The following CRACDL variants were observed in gnomAD, a reference collection of about 807,000 sequenced individuals.
The protein encoded by CRACDL is CRACD like, also known as CRACD-like protein.
CRACDL carries 26 observed loss-of-function variants against 70.6 expected under a neutral mutation model. That is an observed-to-expected ratio of 0.37 (90% confidence interval 0.27 to 0.51). CRACDL has a LOEUF of 0.51. Ranked by LOEUF, CRACDL falls within the 20% of genes least tolerant of loss-of-function variation. CRACDL has a pLI of 0.94. For missense variants in CRACDL, 1,283 were observed against 1,376.9 expected, an observed-to-expected ratio of 0.93 and a Z score of 1.08; for synonymous variants, 618 against 615.2, an observed-to-expected ratio of 1.00 and a Z score of -0.07.
At position 98,854,638 on chromosome 2, in the gene CRACDL, T is replaced by C. The variant is rs537753826; in HGVS notation, c.-10-7828A>G. On this transcript the variant is annotated intron_variant, in intron 1 of 9. Transcript: ENST00000397899. The stretch of plus-strand genomic sequence containing the variant: ...AATCCCTAGAACCCAATAAATGAAA[T>C]GCAAACAATCCCCTGCCTTAAACTT... 3.9e-5 allele frequency among the ~76,000 whole-genome samples: 6 copies of C among 152,196 alleles called. No individual in the cohort carries two copies. In the East Asian group the frequency reaches 1.2e-3, roughly 29 times the overall value.
chr2:98,880,496 G>A (rs1296664271), intron 1 of CRACDL, among the ~76,000 whole-genome samples: 6 of 152,202 alleles, frequency 3.9e-5, no homozygotes, highest in East Asian at 1.9e-4. Context: ...GAGTGACATC[G>A]CTGCATCAGT....
intron 1 of CRACDL, among the ~76,000 whole-genome samples, chr2:98,913,188 A>G (rs1377698845): frequency 1.3e-5 from 2 of 152,234 alleles, no homozygotes; most frequent in African/African-American, 4.8e-5. Context: ...CCCTCTGAGT[A>G]TGCCAGAACC....
intron 1 of CRACDL, among the ~76,000 whole-genome samples, chr2:98,893,120 C>T (rs1446173778): frequency 6.6e-6 from 1 of 152,158 alleles, no homozygotes; most frequent in Non-Finnish European, 1.5e-5. Context: ...GGGAGCGGGG[C>T]ACAGGGAGGG....
At chr2:98,883,748 C>T (rs796399706) in intron 1 of CRACDL, among the ~76,000 whole-genome samples, 2 of 152,302 alleles carry the variant, frequency 1.3e-5, no homozygotes, top group African/African-American at 2.4e-5. Context: ...CCTGGTGTTG[C>T]TTAACAGCCT....
chr2:98,881,769 G>A (rs1465916217), intron 1 of CRACDL, among the ~76,000 whole-genome samples: 1 of 152,212 alleles, frequency 6.6e-6, no homozygotes, highest in Admixed American at 6.5e-5. Flanking sequence ...CCGGGTCTGT[G>A]ACCTGGTGTG....
At chr2:98,854,974 C>T (rs994332841) in intron 1 of CRACDL, among the ~76,000 whole-genome samples, 1 of 152,180 alleles carries the variant, frequency 6.6e-6, no homozygotes. Flanking sequence ...TGATTTTGAT[C>T]ATTGTAACTA....
chr2:98,898,322 C>T (rs184666775), intron 1 of CRACDL, among the ~76,000 whole-genome samples: 16 of 152,316 alleles, frequency 1.1e-4, no homozygotes, highest in African/African-American at 2.6e-4. Flanking sequence ...GAGGTCACCT[C>T]GCTAAGAGCG....
chr2:98,851,627 C>T (rs920051994), intron 1 of CRACDL, among the ~76,000 whole-genome samples: 16 of 152,136 alleles, frequency 1.1e-4, no homozygotes, highest in Admixed American at 3.9e-4. Context: ...GTCTCTGTAC[C>T]CACCAACTTT....
intron 1 of CRACDL, chr2:98,869,218 G>A (rs915298036): frequency 2.7e-5 from 35 of 1,300,330 alleles, no homozygotes; most frequent in Non-Finnish European, 3.4e-5. Flanking sequence ...TAGGGCCCAC[G>A]GGTCACCACT....
chr2:98,840,975 T>G (rs1706002736), intron 2 of CRACDL, among the ~76,000 whole-genome samples: 1 of 152,082 alleles, frequency 6.6e-6, no homozygotes, highest in Non-Finnish European at 1.5e-5. Context: ...ATTTCAGACT[T>G]TGGATTTTCA....
At chr2:98,857,413 C>T (rs1297888451) in intron 1 of CRACDL, among the ~76,000 whole-genome samples, 2 of 151,928 alleles carry the variant, frequency 1.3e-5, no homozygotes, top group Non-Finnish European at 2.9e-5. Context: ...AATAATAGTA[C>T]AACAAATAGA....
At chr2:98,835,768 TTCA>T (rs1417095918) in intron 3 of CRACDL, among the ~76,000 whole-genome samples, 1 of 152,194 alleles carries the variant, frequency 6.6e-6, no homozygotes, top group African/African-American at 2.4e-5. Flanking sequence ...AGGAAAGTTC[TTCA>T]TCAAAGAATT....
At chr2:98,840,172 G>A (rs1705964391) in intron 2 of CRACDL, among the ~76,000 whole-genome samples, 1 of 152,014 alleles carries the variant, frequency 6.6e-6, no homozygotes. Flanking sequence ...GTCTGTTTTA[G>A]CTGCATCTAC....
In CRACDL at chr2:98,866,475, CTTTTTTTTTT is replaced by C. The variant is rs1173322192; in HGVS notation, c.-10-19675_-10-19666del. On this transcript the variant is annotated intron_variant, in intron 1 of 9. Transcript: ENST00000397899. ...CTGATAGATGAAACAATCACTTCTT[CTTTTTTTTTT>C]TTTTTTTTTTTTTTTTTTTGAGACA... is the stretch of plus-strand genomic sequence containing the variant. Among the ~76,000 whole-genome samples, 13 of 43,266 alleles carry C rather than the reference CTTTTTTTTTT, an allele frequency of 3.0e-4. 1 individual carries two copies. The highest frequency in any genetic ancestry group is 1.0e-3 in the African/African-American group (10 of 9,998). The allele number at this position is 43,266 out of a possible 152,430, so 28.4% of individuals were successfully genotyped here. A position where few individuals can be genotyped will look rare whatever the true frequency, so the allele number is the denominator to read the frequency against.
At position 98,825,119 on chromosome 2, in the gene CRACDL, T is replaced by C. The variant is rs113733745; in HGVS notation, c.736-1582A>G. 4.9e-3 allele frequency among the ~76,000 whole-genome samples: 740 copies of C among 152,314 alleles called. 4 individuals carry two copies. The highest frequency in any genetic ancestry group is 7.7e-3 in the Non-Finnish European group (522 of 68,024). ...GGCCAGGCCACAAGGAAGGTCCTTATGGTTGGGAAGAGGGACCTCATGACC... is the reference window on the plus strand; with the variant it reads ...GGCCAGGCCACAAGGAAGGTCCTTACGGTTGGGAAGAGGGACCTCATGACC... On this transcript the variant is annotated intron_variant, in intron 6 of 9. Transcript: ENST00000397899.
chr2:98,910,857 A>G (rs1708530895), intron 1 of CRACDL, among the ~76,000 whole-genome samples: 1 of 152,250 alleles, frequency 6.6e-6, no homozygotes, highest in Non-Finnish European at 1.5e-5. Flanking sequence ...TACGGGTGAC[A>G]GGAGGATTAA....
At chr2:98,853,030 AAGGGAAGGGAAG>A (rs1706547097) in intron 1 of CRACDL, among the ~76,000 whole-genome samples, 1 of 120,164 alleles carries the variant, frequency 8.3e-6, no homozygotes, top group Non-Finnish European at 1.7e-5. Flanking sequence ...AGGGAAGGGA[AAGGGAAGGGAAG>A]GGGAAAGGGA....
In CRACDL at chr2:98,845,200, C is replaced by T. The variant is rs28702502; in HGVS notation, c.70+1531G>A. ...TCCTTTTCTTTTCTTTCTTCTTCTT[C>T]TTTTTTTTTTTTTTGGAGGCAGGGT... On this transcript the variant is annotated intron_variant, in intron 2 of 9. Transcript: ENST00000397899. Among the ~76,000 whole-genome samples the T allele has an allele frequency of 4.1e-3, 235 of 57,564 alleles. 7 individuals carry two copies. Among genetic ancestry groups the T allele is most frequent in the African/African-American group, 4.8e-3 (46 of 9,684 alleles). 37.8% of individuals were successfully genotyped at this position (57,564 alleles called of 152,430 possible). A position where few individuals can be genotyped will look rare whatever the true frequency, so the allele number is the denominator to read the frequency against.
intron 1 of CRACDL, among the ~76,000 whole-genome samples, chr2:98,931,479 C>G (rs565204612): frequency 3.2e-4 from 49 of 152,188 alleles, no homozygotes; most frequent in Non-Finnish European, 4.8e-4. Flanking sequence ...GCACACCCCG[C>G]AGCTAATGGT....
Sources: allele counts gnomAD v4.1 joint callset (sites outside exome capture counted in the v4.1 genomes callset), GRCh38; gene constraint gnomAD v4.1.1; transcripts MANE v1.5; gene names NCBI Gene and HGNC (gene_info 2026-07-23, HGNC 2026-07-21).